Variants in HDGFL2 observed in about 807,000 individuals in gnomAD.
HDGFL2 encodes the protein hepatoma-derived growth factor-related protein 2.
HDGFL2 carries 36 observed loss-of-function variants against 77.1 expected under a neutral mutation model. The observed-to-expected ratio is 0.47, with a 90% CI of 0.36 to 0.62. The LOEUF (loss-of-function observed/expected upper bound fraction) is 0.62. HDGFL2 is among the 20% of genes least tolerant of loss of function. The pLI, the probability that HDGFL2 is intolerant of heterozygous loss-of-function variation, is 0.00. For missense variants in HDGFL2, 976 were observed against 973.4 expected (o/e 1.00, Z -0.04); for synonymous variants, 463 against 413.1 (o/e 1.12, Z -1.46).
chr19:4,498,449 G>A (rs993039483), intron 12 of HDGFL2, 73 bp downstream of exon 12: 12 of 1,207,574 alleles, frequency 9.9e-6, no homozygotes, highest in Admixed American at 5.7e-5. Context: ...TAGATGTCTC[G>A]GGAAACTGAG....
chr19:4,472,461 G>GA, intron 1 of HDGFL2, 39 bp downstream of exon 1: 1 of 420,142 alleles, frequency 2.4e-6, no homozygotes, highest in South Asian at 3.7e-5. Flanking sequence ...GGGGGGGGGG[G>GA]GGGGGGCAGC....
At chr19:4,473,535 G>A (rs959070705) in intron 1 of HDGFL2, among the ~76,000 whole-genome samples, 1 of 151,900 alleles carries the variant, frequency 6.6e-6, no homozygotes, top group Non-Finnish European at 1.5e-5. Context: ...AGATATGGGG[G>A]CTGAAGCACT....
rs531462328 is a variant in HDGFL2 at position 4,487,056 on chromosome 19, C to T, written c.289-1620C>T. 5.9e-5 allele frequency among the ~76,000 whole-genome samples: 9 copies of T among 151,740 alleles called. No homozygotes were observed. In the East Asian group the frequency reaches 1.7e-3, roughly 29 times the overall value. On this transcript the variant is annotated intron_variant, in intron 3 of 15. Transcript: ENST00000616600. The stretch of plus-strand genomic sequence containing the variant: ...TCTCGGCTCACTGCAACCTCTGCTT[C>T]CTGGGTTCAAGCAATTCTCTGCCTC...
chr19:4,477,018 C>CT (rs983952825), intron 3 of HDGFL2, among the ~76,000 whole-genome samples: 2 of 152,106 alleles, frequency 1.3e-5, no homozygotes, highest in Admixed American at 6.6e-5. Context: ...CCGAGGTGGT[C>CT]TGAGTGGAGC....
chr19:4,490,365 G>T (rs1055579287), intron 4 of HDGFL2, among the ~76,000 whole-genome samples: 1 of 152,194 alleles, frequency 6.6e-6, no homozygotes, highest in South Asian at 2.1e-4. Flanking sequence ...GATGACAGGC[G>T]TGAGCCACCG....
intron 3 of HDGFL2, among the ~76,000 whole-genome samples, chr19:4,483,698 C>T (rs1415859618): frequency 6.6e-6 from 1 of 152,032 alleles, no homozygotes; most frequent in African/African-American, 2.4e-5. Context: ...CCACCTTGCT[C>T]TCTCCTGGAC....
In HDGFL2 at chr19:4,493,821, C is replaced by T; in HGVS notation, c.797C>T (p.Ser266Phe). ...SSSSSSSSSD[S>F]DVSVKKPPRG... ...TCCTCTTCCTCCTCCTCCTCCGACT[C>T]CGATGTGTCTGTGAAGAAGCCTCCG... The change falls in exon 7 of 16, where the codon TCC (serine) becomes TTC (phenylalanine). Residue 266 changes from serine (S) to phenylalanine (F), a missense_variant. Physicochemically the swap from Ser to Phe is radical, Grantham distance 155. Transcript: ENST00000616600. 2 of 1,534,120 alleles carry T rather than the reference C, an allele frequency of 1.3e-6. No individual in the cohort carries two copies. Among genetic ancestry groups the T allele is most frequent in the Non-Finnish European group, 1.8e-6 (2 of 1,136,800 alleles).
intron 15 of HDGFL2, 61 bp from the exon 16 acceptor site, chr19:4,501,842 ACCCAACCG>A: frequency 8.1e-7 from 1 of 1,229,594 alleles, no homozygotes; most frequent in Non-Finnish European, 1.1e-6. Flanking sequence ...TGCCCATCCC[ACCCAACCG>A]CCCTACAGGC....
At chr19:4,488,456 C>T (rs752710475) in intron 3 of HDGFL2, among the ~76,000 whole-genome samples, 10 of 152,180 alleles carry the variant, frequency 6.6e-5, no homozygotes, top group South Asian at 2.1e-4. Context: ...CTGAAGCCCG[C>T]GGCCCGACCC....
intron 12 of HDGFL2, 140 bp downstream of exon 12, chr19:4,498,516 G>A (rs999754799): frequency 1.4e-6 from 1 of 699,296 alleles, no homozygotes; most frequent in Non-Finnish European, 2.5e-6. Flanking sequence ...TTGCTAGTGA[G>A]CGCATGGGGT....
chr19:4,472,327 C>T lies in HDGFL2; in HGVS notation c.-24C>T, dbSNP rs759927075. The T allele has an allele frequency of 2.0e-6, 3 of 1,479,158 alleles. No individual in the cohort carries two copies. The highest frequency in any genetic ancestry group is 1.4e-5 in the South Asian group (1 of 72,496). 91.6% of individuals were successfully genotyped at this position (1,479,158 alleles called of 1,614,324 possible). On this transcript the variant is annotated 5_prime_UTR_variant, in exon 1 of 16. Transcript: ENST00000616600. ...CTACCGCCGCTGCAGCCGCTTTCCG[C>T]GGCCTGGGCCTCTCGCCGTCAGCAT...
At chr19:4,479,479 G>A (rs1226791193) in intron 3 of HDGFL2, among the ~76,000 whole-genome samples, 11 of 151,898 alleles carry the variant, frequency 7.2e-5, no homozygotes, top group Admixed American at 1.3e-4. Flanking sequence ...TACTCTGGAG[G>A]CTGAAGCAGG....
At chr19:4,496,242 T>C in intron 9 of HDGFL2, 60 bp from the exon 10 acceptor site, 2 of 1,378,414 alleles carry the variant, frequency 1.5e-6, no homozygotes, top group Non-Finnish European at 2.1e-6. Flanking sequence ...TGGGATGGGC[T>C]AGGGGTCTGG....
Position 4,487,800 on chromosome 19 carries a change from G to C in HDGFL2, c.289-876G>C, listed in dbSNP as rs553087888. ...CGGTCACGTGCCTGGCACATAAGAAGCATCAGATAGGTGTTTGTGATTTCT... is the reference window on the plus strand; with the variant it reads ...CGGTCACGTGCCTGGCACATAAGAACCATCAGATAGGTGTTTGTGATTTCT... On this transcript the variant is annotated intron_variant, in intron 3 of 15. Transcript: ENST00000616600. Among the ~76,000 whole-genome samples the C allele has an allele frequency of 8.1e-4, 123 of 152,280 alleles. 1 individual carries two copies. The highest frequency in any genetic ancestry group is 2.9e-3 in the African/African-American group (119 of 41,558).
intron 3 of HDGFL2, among the ~76,000 whole-genome samples, chr19:4,484,955 G>C (rs1460982061): frequency 6.6e-6 from 1 of 152,070 alleles, no homozygotes; most frequent in Non-Finnish European, 1.5e-5. Flanking sequence ...ACAGGCATGA[G>C]CCACCGTGCC....
At chr19:4,501,163 T>C in intron 14 of HDGFL2, 28 bp from the exon 15 acceptor site, 1 of 1,612,210 alleles carries the variant, frequency 6.2e-7, no homozygotes, top group East Asian at 2.2e-5. Flanking sequence ...AGCCCAGCAG[T>C]GTCCTGTGAC....
In HDGFL2 at chr19:4,491,574, C is replaced by T. The variant is rs756161384; in HGVS notation, c.498C>T (p.Val166=). The T allele has an allele frequency of 1.6e-5, 26 of 1,613,568 alleles. No individual in the cohort carries two copies. Among genetic ancestry groups the T allele is most frequent in the East Asian group, 2.2e-5 (1 of 44,854 alleles). Residue 166 remains valine, a synonymous_variant, in exon 5 of 16, where the codon GTC becomes GTT. Transcript: ENST00000616600. ...GGCCGTTCCCCTTCCAGATGTCGGT[C>T]TCGAAACGAGCCCGAAAGGCCTCCA... ...KRKTPALKMS[V]SKRARKASSD...
chr19:4,498,662 C>T, intron 12 of HDGFL2, 152 bp from the exon 13 acceptor site: 1 of 628,486 alleles, frequency 1.6e-6, no homozygotes, highest in Non-Finnish European at 2.8e-6. Flanking sequence ...CTGGAGTTCC[C>T]CGTCAACTGG....
intron 10 of HDGFL2, chr19:4,497,095 G>A (rs1384376014): frequency 1.9e-5 from 8 of 425,820 alleles, no homozygotes; most frequent in African/African-American, 1.2e-4. Flanking sequence ...GGCTGGTCTC[G>A]ATCTCCTGAC....
Sources: gnomAD v4.1 joint callset for allele counts (sites outside exome capture counted in the v4.1 genomes callset) on GRCh38, gnomAD v4.1.1 for gene constraint, MANE v1.5 for transcripts, NCBI Gene and HGNC (gene_info 2026-07-23, HGNC 2026-07-21) for gene names.